MKLN1: variants seen among roughly 807,000 people sequenced by gnomAD.
MKLN1 encodes muskelin 1.
Under a neutral mutation model 99.0 loss-of-function variants are expected in MKLN1, and 18 were observed. The ratio of observed to expected loss-of-function variants is 0.18; its 90% CI spans 0.13 to 0.27. The LOEUF is 0.27. Among genes scored for constraint, MKLN1 ranks in the 10% least tolerant of loss-of-function variants. MKLN1 has a pLI of 1.00. For synonymous variants in MKLN1, 288 were observed against 293.2 expected (o/e 0.98, Z 0.18); for missense variants, 621 against 875.9 (o/e 0.71, Z 3.67).
At chr7:131,183,940 G>T (rs1164471727) in intron 2 of MKLN1, among the ~76,000 whole-genome samples, 1 of 151,566 alleles carries the variant, frequency 6.6e-6, no homozygotes, top group East Asian at 1.9e-4. Flanking sequence ...TCCTCTAAAC[G>T]ATCAGTGGAG....
At chr7:131,340,688 C>G (rs1211298831) in intron 1 of MKLN1, among the ~76,000 whole-genome samples, 1 of 152,190 alleles carries the variant, frequency 6.6e-6, no homozygotes, top group African/African-American at 2.4e-5. Context: ...TCCTTGTAGT[C>G]CAAGCATAAT....
intron 3 of MKLN1, among the ~76,000 whole-genome samples, chr7:131,232,542 T>C (rs1265952847): frequency 6.6e-6 from 1 of 152,246 alleles, no homozygotes; most frequent in Non-Finnish European, 1.5e-5. Context: ...ATTGATTGGC[T>C]TTCCATCACC....
rs115453243 is a variant in MKLN1, at chr7:131,364,676, G to A, written c.99-10748G>A. ...CCAAGTGTCTGTTGTTTGCTTCTTT[G>A]TGTTCATAAGTTCTCATGATTTAGC... On this transcript the variant is annotated intron_variant, in intron 1 of 17. Transcript: ENST00000352689. Among the ~76,000 whole-genome samples, 241 of 152,040 alleles carry A rather than the reference G, an allele frequency of 1.6e-3. 2 individuals are homozygous for A. The highest frequency in any genetic ancestry group is 5.3e-3 in the African/African-American group (218 of 41,502).
intron 8 of MKLN1, among the ~76,000 whole-genome samples, chr7:131,417,040 A>T (rs1477402251): frequency 2.6e-5 from 4 of 151,596 alleles, no homozygotes; most frequent in Non-Finnish European, 5.9e-5. Flanking sequence ...TAACTACTAG[A>T]TTTACTTTAG....
intron 3 of MKLN1, among the ~76,000 whole-genome samples, chr7:131,290,160 C>CCAGATAT (rs1798195934): frequency 6.6e-6 from 1 of 152,096 alleles, no homozygotes; most frequent in Non-Finnish European, 1.5e-5. Flanking sequence ...ACAAAATTAG[C>CCAGATAT]CAGATATGGT....
At chr7:131,388,850 A>G in intron 3 of MKLN1, 34 bp from the exon 4 acceptor site, 1 of 1,407,886 alleles carries the variant, frequency 7.1e-7, no homozygotes, top group Non-Finnish European at 1.0e-6. Context: ...TAAATTATGA[A>G]GTCAGATTTA....
intron 3 of MKLN1, among the ~76,000 whole-genome samples, chr7:131,280,588 G>A (rs976353081): frequency 3.3e-5 from 5 of 151,972 alleles, no homozygotes; most frequent in African/African-American, 1.2e-4. Context: ...ATGGCCATTG[G>A]TATATATTCT....
chr7:131,263,368 T>TAATAATAATAATAAAAAA lies in MKLN1; in HGVS notation c.-179+60399_-179+60400insTAATAATAAAAAAAATAA, dbSNP rs373239401. ...TTATTAATAATAATAATAATAATAA[T>TAATAATAATAATAAAAAA]AATAAAATTAGCTGGGTGTGGTGGC... is the stretch of plus-strand genomic sequence containing the variant. On this transcript the variant is annotated intron_variant, in intron 3 of 7. Coordinates refer to the MKLN1 transcript ENST00000416992. Among the ~76,000 whole-genome samples, 42 of 140,410 alleles carry TAATAATAATAATAAAAAA rather than the reference T, an allele frequency of 3.0e-4. No homozygotes were observed. The East Asian group carries it at 3.7e-3, about 12-fold the overall frequency. 92.1% of individuals were successfully genotyped at this position (140,410 alleles called of 152,430 possible).
At chr7:131,167,715 A>G (rs1198441183) in intron 2 of MKLN1, among the ~76,000 whole-genome samples, 1 of 152,068 alleles carries the variant, frequency 6.6e-6, no homozygotes, top group African/African-American at 2.4e-5. Flanking sequence ...ACACAGAAAA[A>G]TGTATACTAA....
chr7:131,282,349 CAAAAAAAAA>C (rs1001483569), intron 3 of MKLN1, among the ~76,000 whole-genome samples: 1 of 65,684 alleles, frequency 1.5e-5, no homozygotes, highest in African/African-American at 4.9e-5. Flanking sequence ...AACTCCGTCT[CAAAAAAAAA>C]AAAAAAAAAA....
At chr7:131,287,743 A>C (rs373712042) in intron 3 of MKLN1, among the ~76,000 whole-genome samples, 1 of 152,050 alleles carries the variant, frequency 6.6e-6, no homozygotes, top group East Asian at 1.9e-4. Flanking sequence ...CTCATCTTGA[A>C]TTTTAATCCC....
intron 3 of MKLN1, among the ~76,000 whole-genome samples, chr7:131,251,093 ATG>A (rs34359037): frequency 0.074 from 10,829 of 145,724 alleles, 442 homozygotes; most frequent in Middle Eastern, 0.12. Context: ...TGGGGCCCAG[ATG>A]TGTGTGTGTG....
intron 2 of MKLN1, among the ~76,000 whole-genome samples, chr7:131,155,004 C>T (rs1305204312): frequency 6.6e-6 from 1 of 152,172 alleles, no homozygotes; most frequent in Admixed American, 6.5e-5. Context: ...TTTACACTGA[C>T]ATAGTTCTGC....
At chr7:131,180,043 C>T (rs1796357204) in intron 2 of MKLN1, among the ~76,000 whole-genome samples, 1 of 152,156 alleles carries the variant, frequency 6.6e-6, no homozygotes, top group African/African-American at 2.4e-5. Flanking sequence ...AGGCATGAGC[C>T]ACCATGCCCA....
At chr7:131,438,655 G>T (rs1795742209) in intron 10 of MKLN1, among the ~76,000 whole-genome samples, 1 of 151,708 alleles carries the variant, frequency 6.6e-6, no homozygotes, top group African/African-American at 2.4e-5. Context: ...TTCAATGTAG[G>T]TCAAAAAAGA....
intron 3 of MKLN1, among the ~76,000 whole-genome samples, chr7:131,279,755 C>T (rs939432933): frequency 9.2e-5 from 14 of 152,156 alleles, no homozygotes; most frequent in African/African-American, 2.7e-4. Flanking sequence ...TGCAGTGAAC[C>T]ATGATTGCAC....
chr7:131,443,909 A>G (rs1795917589), intron 11 of MKLN1, among the ~76,000 whole-genome samples: 2 of 152,094 alleles, frequency 1.3e-5, no homozygotes. Flanking sequence ...CTGGCTACCA[A>G]CCTGGGCAAT....
intron 1 of MKLN1, among the ~76,000 whole-genome samples, chr7:131,358,982 T>G (rs1423782756): frequency 6.6e-6 from 1 of 152,156 alleles, no homozygotes; most frequent in Non-Finnish European, 1.5e-5. Flanking sequence ...GTTTCTTGCT[T>G]TATTCTACGC....
intron 1 of MKLN1, among the ~76,000 whole-genome samples, chr7:131,328,595 T>C (rs1798968777): frequency 6.6e-6 from 1 of 152,156 alleles, no homozygotes; most frequent in Non-Finnish European, 1.5e-5. Context: ...TTGTCTTTAA[T>C]GCCTGGAAGT....
Sources: allele counts gnomAD v4.1 joint callset (sites outside exome capture counted in the v4.1 genomes callset), GRCh38; gene constraint gnomAD v4.1.1; transcripts MANE v1.5; gene names NCBI Gene and HGNC (gene_info 2026-07-23, HGNC 2026-07-21).